The following OXR1 variants were observed in gnomAD, a reference collection of about 807,000 sequenced individuals.
OXR1 encodes oxidation resistance 1, also known as oxidation resistance protein 1.
A neutral mutation model predicts 104.6 loss-of-function variants in OXR1; 41 were observed. The observed-to-expected ratio is 0.39, with a 90% CI of 0.31 to 0.51. The LOEUF (loss-of-function observed/expected upper bound fraction) is 0.51. Among genes scored for constraint, OXR1 ranks in the 20% least tolerant of loss-of-function variants. OXR1 has a pLI of 0.77. For missense variants in OXR1, 955 were observed against 1,031.9 expected, an observed-to-expected ratio of 0.93 and a Z score of 1.02; for synonymous variants, 348 against 348.4, an observed-to-expected ratio of 1.00 and a Z score of 0.01.
chr8:106,530,520 G>A (rs1310712663), intron 3 of OXR1, among the ~76,000 whole-genome samples: 5 of 152,152 alleles, frequency 3.3e-5, no homozygotes, highest in African/African-American at 1.2e-4. Context: ...TTTTGACCAT[G>A]TTAACAGTTA....
chr8:106,484,171 G>C (rs949403440), intron 2 of OXR1, among the ~76,000 whole-genome samples: 1 of 151,716 alleles, frequency 6.6e-6, no homozygotes, highest in Non-Finnish European at 1.5e-5. Context: ...ATTTGCAAAA[G>C]ACATACCTGG....
chr8:106,688,994 G>A (rs1318350004), intron 6 of OXR1, among the ~76,000 whole-genome samples: 1 of 151,946 alleles, frequency 6.6e-6, no homozygotes, highest in African/African-American at 2.4e-5. Flanking sequence ...ATTTTTGCTT[G>A]GCCAAAGCAA....
intron 2 of OXR1, among the ~76,000 whole-genome samples, chr8:106,490,832 AT>A (rs1404566336): frequency 1.3e-5 from 2 of 152,138 alleles, no homozygotes; most frequent in African/African-American, 2.4e-5. Flanking sequence ...GAAGGATAAG[AT>A]GGATTTGGCG....
intron 3 of OXR1, among the ~76,000 whole-genome samples, chr8:106,605,671 C>T (rs966812084): frequency 2.7e-5 from 4 of 148,022 alleles, no homozygotes; most frequent in Admixed American, 6.7e-5. Flanking sequence ...GCATGGTGGG[C>T]GCCTGTAATC....
rs760143973 is a variant in OXR1 at position 106,612,957 on chromosome 8, A to G, written c.221-66253A>G. Among the ~76,000 whole-genome samples, 6 of 152,268 alleles carry G rather than the reference A, an allele frequency of 3.9e-5. No homozygotes were observed. In the East Asian group the frequency reaches 1.2e-3, roughly 29 times the overall value. On this transcript the variant is annotated intron_variant, in intron 3 of 16. Transcript: ENST00000517566. ...CTGGTCAACTATCTTCAGAATCATA[A>G]CTGCTCATCACTCTGCAACACGTGC...
Position 106,453,481 on chromosome 8 carries a change from A to G in OXR1, c.24-65462A>G, listed in dbSNP as rs142842579. Among the ~76,000 whole-genome samples the G allele has an allele frequency of 3.7e-3, 563 of 152,240 alleles. 3 individuals are homozygous for G. The highest frequency in any genetic ancestry group is 0.027 in the Middle Eastern group (8 of 294). On this transcript the variant is annotated intron_variant, in intron 2 of 16. Transcript: ENST00000517566. ...TGAGCAGTAGGAATCATGTTGATTA[A>G]ATTCTCTTTTTTCTTTCTCTGCCTG...
intron 3 of OXR1, among the ~76,000 whole-genome samples, chr8:106,598,751 G>T (rs1308931669): frequency 1.3e-5 from 2 of 152,136 alleles, no homozygotes; most frequent in Non-Finnish European, 2.9e-5. Context: ...ACATAGTCCA[G>T]TTGGAATACA....
intron 3 of OXR1, among the ~76,000 whole-genome samples, chr8:106,544,872 C>T (rs150720414): frequency 5.3e-5 from 8 of 152,080 alleles, no homozygotes; most frequent in East Asian, 3.9e-4. Context: ...TTTCGCCATC[C>T]GGATTTGGAT....
chr8:106,324,007 TG>T (rs991495589), intron 1 of OXR1, among the ~76,000 whole-genome samples: 50 of 152,310 alleles, frequency 3.3e-4, no homozygotes, highest in African/African-American at 1.2e-3. Context: ...ATCCCATTAC[TG>T]GGTATATACC....
At chr8:106,607,728 A>C (rs990470906) in intron 3 of OXR1, among the ~76,000 whole-genome samples, 2 of 152,220 alleles carry the variant, frequency 1.3e-5, no homozygotes, top group African/African-American at 4.8e-5. Context: ...TTGTGCTTAG[A>C]CATTTTGCAT....
At chr8:106,729,605 C>A (rs902270235) in intron 11 of OXR1, among the ~76,000 whole-genome samples, 1 of 151,974 alleles carries the variant, frequency 6.6e-6, no homozygotes, top group Non-Finnish European at 1.5e-5. Flanking sequence ...CATTTATTAA[C>A]CAGTATTTAT....
chr8:106,477,636 A>G (rs1055216943), intron 2 of OXR1, among the ~76,000 whole-genome samples: 2 of 151,878 alleles, frequency 1.3e-5, no homozygotes, highest in African/African-American at 4.8e-5. Context: ...ATTTTTTTCA[A>G]TATTTCTAGG....
chr8:106,512,921 T>C (rs1812632829), intron 2 of OXR1, among the ~76,000 whole-genome samples: 1 of 152,184 alleles, frequency 6.6e-6, no homozygotes. Context: ...GACCCAGATG[T>C]TGGGAGAAAC....
At chr8:106,638,131 C>T (rs1823313185) in intron 3 of OXR1, among the ~76,000 whole-genome samples, 1 of 152,136 alleles carries the variant, frequency 6.6e-6, no homozygotes, top group Non-Finnish European at 1.5e-5. Context: ...GTCCCTCCTG[C>T]CAAGAAAAAG....
intron 2 of OXR1, among the ~76,000 whole-genome samples, chr8:106,453,057 G>C (rs1368115830): frequency 5.9e-5 from 9 of 152,080 alleles, no homozygotes; most frequent in Admixed American, 5.2e-4. Flanking sequence ...TGCCCAGGAT[G>C]CCCTTTCTTG....
intron 2 of OXR1, among the ~76,000 whole-genome samples, chr8:106,487,692 G>T (rs1810781780): frequency 6.7e-6 from 1 of 149,770 alleles, no homozygotes; most frequent in African/African-American, 2.5e-5. Context: ...TTGTTCTTGC[G>T]ATAGTTTACT....
intron 2 of OXR1, among the ~76,000 whole-genome samples, chr8:106,477,948 G>A (rs949559469): frequency 3.9e-5 from 6 of 151,906 alleles, no homozygotes; most frequent in African/African-American, 1.4e-4. Context: ...CACATTTCCA[G>A]CTGTAATGTA....
intron 2 of OXR1, among the ~76,000 whole-genome samples, chr8:106,514,771 A>G (rs569357416): frequency 4.6e-5 from 7 of 152,240 alleles, no homozygotes; most frequent in Non-Finnish European, 8.8e-5. Flanking sequence ...TAAAATACAA[A>G]CAGTTTCTGG....
At chr8:106,478,094 A>G (rs899278965) in intron 2 of OXR1, among the ~76,000 whole-genome samples, 4 of 151,898 alleles carry the variant, frequency 2.6e-5, no homozygotes, top group Admixed American at 1.3e-4. Context: ...ATCATCGGTG[A>G]CACTGACCTT....
Sources: gnomAD v4.1 joint callset for allele counts (sites outside exome capture counted in the v4.1 genomes callset) on GRCh38, gnomAD v4.1.1 for gene constraint, MANE v1.5 for transcripts, NCBI Gene and HGNC (gene_info 2026-07-23, HGNC 2026-07-21) for gene names.